The following TTC3 variants were observed in gnomAD, a reference collection of about 807,000 sequenced individuals.
TTC3 encodes the protein E3 ubiquitin-protein ligase TTC3.
A neutral mutation model predicts 249.6 loss-of-function variants in TTC3; 180 were observed. The ratio of observed to expected loss-of-function variants is 0.72; its 90% CI spans 0.64 to 0.82. The LOEUF is 0.82. Ranked by LOEUF, TTC3 falls within the 40% of genes least tolerant of loss-of-function variation. The probability of loss-of-function intolerance (pLI) is 0.00; values close to 1 mark genes in which losing one functional copy is unlikely to be tolerated. For missense variants in TTC3, 2,061 were observed against 2,398.4 expected (o/e 0.86, Z 2.94); for synonymous variants, 717 against 805.0 (o/e 0.89, Z 1.85).
intron 27 of TTC3, among the ~76,000 whole-genome samples, chr21:37,156,164 G>A (rs2090008897): frequency 6.6e-6 from 1 of 151,396 alleles, no homozygotes; most frequent in Non-Finnish European, 1.5e-5. Context: ...AGCCTCCCAA[G>A]TAGCTGGGAC....
In TTC3 at chr21:37,095,463, A is replaced by G. The variant is rs146841836; in HGVS notation, c.782+19A>G. 4.5e-4 allele frequency: 671 copies of G among 1,481,912 alleles called. 1 individual carries two copies. The African/African-American group carries it at 7.0e-3, about 15-fold the overall frequency. The allele number at this position is 1,481,912 out of a possible 1,614,324, so 91.8% of individuals were successfully genotyped here. A position where few individuals can be genotyped will look rare whatever the true frequency, so the allele number is the denominator to read the frequency against. ...AATATAGGTAAGAGCAAATAGAACAAAAGAGATGCTTTTTCTATGGCACAT... is the reference window on the plus strand; with the variant it reads ...AATATAGGTAAGAGCAAATAGAACAGAAGAGATGCTTTTTCTATGGCACAT... On this transcript the variant is annotated intron_variant, in intron 9 of 45. Transcript: ENST00000355666.
intron 42 of TTC3, among the ~76,000 whole-genome samples, chr21:37,197,146 A>G (rs1201039219): frequency 6.6e-6 from 1 of 152,248 alleles, no homozygotes; most frequent in East Asian, 1.9e-4. Flanking sequence ...CAAAATTGAA[A>G]TTTGTAAACA....
chr21:37,112,385 A>G (rs1051781715), intron 11 of TTC3, among the ~76,000 whole-genome samples: 1 of 152,200 alleles, frequency 6.6e-6, no homozygotes, highest in African/African-American at 2.4e-5. Flanking sequence ...TGGAAATACA[A>G]ACTACCATCA....
At chr21:37,140,820 C>A in intron 20 of TTC3, 147 bp downstream of exon 20, 1 of 527,228 alleles carries the variant, frequency 1.9e-6, no homozygotes. Flanking sequence ...CCTGAAATTT[C>A]ACTATCAGTA....
At chr21:37,139,676 G>C (rs1442970104) in intron 19 of TTC3, among the ~76,000 whole-genome samples, 1 of 152,130 alleles carries the variant, frequency 6.6e-6, no homozygotes, top group Non-Finnish European at 1.5e-5. Context: ...CCAAGAGACA[G>C]TTGGAGACAG....
intron 1 of TTC3, among the ~76,000 whole-genome samples, chr21:37,076,913 C>T (rs2070961053): frequency 6.6e-6 from 1 of 151,844 alleles, no homozygotes; most frequent in Admixed American, 6.6e-5. Flanking sequence ...GTTGGCTAGG[C>T]ACGTCTTGAA....
intron 45 of TTC3, among the ~76,000 whole-genome samples, chr21:37,200,898 T>C (rs1431009443): frequency 1.3e-5 from 2 of 152,212 alleles, no homozygotes; most frequent in African/African-American, 2.4e-5. Flanking sequence ...AAATACAGCA[T>C]GCTCACTGAA....
chr21:37,075,391 G>A (rs2070704384), intron 1 of TTC3, among the ~76,000 whole-genome samples: 1 of 152,122 alleles, frequency 6.6e-6, no homozygotes, highest in African/African-American at 2.4e-5. Flanking sequence ...GTCTGCTTGT[G>A]CACACATTTG....
chr21:37,172,956 G>T (rs2148112391), intron 35 of TTC3, among the ~76,000 whole-genome samples: 1 of 152,260 alleles, frequency 6.6e-6, no homozygotes, highest in East Asian at 1.9e-4. Context: ...ATGAGAAAGG[G>T]GCTGTAAGTC....
intron 34 of TTC3, among the ~76,000 whole-genome samples, chr21:37,168,013 A>C (rs1160911412): frequency 6.6e-6 from 1 of 152,156 alleles, no homozygotes; most frequent in Non-Finnish European, 1.5e-5. Flanking sequence ...ATACAGAAAG[A>C]TAAAGACCTT....
chr21:37,132,817 A>G lies in TTC3; in HGVS notation c.1443+51A>G, dbSNP rs753509329. Reference sequence around the variant, plus strand: ...AAAAGCAAAACTCTTTGAACAAAACATTGTTCACATGAATAAGGTTCTAAT... The same window carrying G: ...AAAAGCAAAACTCTTTGAACAAAACGTTGTTCACATGAATAAGGTTCTAAT... On this transcript the variant is annotated intron_variant, in intron 17 of 45. Coordinates refer to ENST00000355666, the Ensembl canonical transcript of TTC3. The G allele has an allele frequency of 2.4e-5, 33 of 1,369,352 alleles. No individual in the cohort carries two copies. The Middle Eastern group carries it at 6.2e-4, about 26-fold the overall frequency. 84.8% of individuals were successfully genotyped at this position (1,369,352 alleles called of 1,614,324 possible).
intron 35 of TTC3, among the ~76,000 whole-genome samples, chr21:37,182,571 T>TAGG (rs2082854693): frequency 1.3e-5 from 2 of 152,024 alleles, no homozygotes; most frequent in South Asian, 4.2e-4. Flanking sequence ...ACGTAGCGGG[T>TAGG]AGGATGTGGC....
At position 37,167,440 on chromosome 21, in the gene TTC3, T is replaced by TA. The variant is rs1555904553; in HGVS notation, c.4402-115_4402-114insA. ...CGGAAAGCATGGAACATGATCTAAA[T>TA]GGGAAAAAAAACTTGAAAAAATTGT... On this transcript the variant is annotated intron_variant, in intron 33 of 45. Transcript: ENST00000355666. The TA allele has an allele frequency of 1.2e-5, 6 of 511,958 alleles. No individual in the cohort carries two copies. The African/African-American group carries it at 4.4e-4, about 37-fold the overall frequency. 31.7% of individuals were successfully genotyped at this position (511,958 alleles called of 1,614,324 possible). A position where few individuals can be genotyped will look rare whatever the true frequency, so the allele number is the denominator to read the frequency against.
chr21:37,160,697 A>G, intron 29 of TTC3, 105 bp from the exon 30 acceptor site: 3 of 1,143,432 alleles, frequency 2.6e-6, no homozygotes. Context: ...CATTTTATGT[A>G]CATTTAACTT....
intron 11 of TTC3, among the ~76,000 whole-genome samples, chr21:37,119,704 A>T (rs1465644888): frequency 1.3e-5 from 2 of 151,904 alleles, no homozygotes; most frequent in African/African-American, 2.4e-5. Context: ...TATGTTTTTC[A>T]TACTCTCTTT....
chr21:37,180,976 T>C (rs549002120), intron 35 of TTC3, among the ~76,000 whole-genome samples: 1 of 152,338 alleles, frequency 6.6e-6, no homozygotes, highest in Non-Finnish European at 1.5e-5. Context: ...TTTATAGTTA[T>C]GTCAATAAAC....
At chr21:37,126,284 T>A in intron 15 of TTC3, 141 bp downstream of exon 15, 1 of 568,510 alleles carries the variant, frequency 1.8e-6, no homozygotes, top group Non-Finnish European at 2.8e-6. Flanking sequence ...AAGAAAATAT[T>A]GAATATTTAT....
Position 37,121,355 on chromosome 21 carries a change from C to T in TTC3, c.901-462C>T, listed in dbSNP as rs530364367. The T allele has an allele frequency of 1.5e-3, 225 of 154,114 alleles. 2 individuals carry two copies. Among genetic ancestry groups the T allele is most frequent in the African/African-American group, 4.9e-3 (205 of 41,590 alleles). 9.5% of individuals were successfully genotyped at this position (154,114 alleles called of 1,614,324 possible). ...GCACTCTTCGGAGGTATCGGAAAAC[C>T]ATGGCACAGGCCCATGGTTCCATCC... is the stretch of plus-strand genomic sequence containing the variant. On this transcript the variant is annotated intron_variant, in intron 11 of 45. Transcript: ENST00000355666.
intron 18 of TTC3, among the ~76,000 whole-genome samples, chr21:37,137,783 G>C (rs2078091029): frequency 6.6e-6 from 1 of 152,152 alleles, no homozygotes; most frequent in Non-Finnish European, 1.5e-5. Context: ...GAGTCAATCA[G>C]TATGACAGAC....
Sources: allele counts gnomAD v4.1 joint callset (sites outside exome capture counted in the v4.1 genomes callset), GRCh38; gene constraint gnomAD v4.1.1; transcripts MANE v1.5; gene names NCBI Gene and HGNC (gene_info 2026-07-23, HGNC 2026-07-21).